CUL2: variants seen among roughly 807,000 people sequenced by gnomAD.
The protein encoded by CUL2 is cullin 2.
In CUL2, 22 loss-of-function variants were observed where a neutral mutation model predicts 110.2. That is an observed-to-expected ratio of 0.20 (90% confidence interval 0.14 to 0.28). The LOEUF (loss-of-function observed/expected upper bound fraction) is 0.28, where lower values mean the gene tolerates loss of function less well. Ranked by LOEUF, CUL2 falls within the 10% of genes least tolerant of loss-of-function variation. The pLI is 1.00. For missense variants in CUL2, 631 were observed against 905.5 expected, an observed-to-expected ratio of 0.70 and a Z score of 3.89; for synonymous variants, 279 against 293.2, an observed-to-expected ratio of 0.95 and a Z score of 0.49.
chr10:35,033,102 G>A, intron 11 of CUL2, 64 bp downstream of exon 11: 1 of 943,778 alleles, frequency 1.1e-6, no homozygotes, highest in South Asian at 2.2e-5. Flanking sequence ...TTCTGATCTT[G>A]AAACTGCCTA....
At chr10:35,074,069 GA>G (rs1376684221) in intron 1 of CUL2, 1 of 932,366 alleles carries the variant, frequency 1.1e-6, no homozygotes, top group East Asian at 2.6e-5. Context: ...CATGCTTGGT[GA>G]ATACTTACTC....
At chr10:35,087,732 T>C (rs1021504135) in intron 1 of CUL2, among the ~76,000 whole-genome samples, 2 of 152,148 alleles carry the variant, frequency 1.3e-5, no homozygotes, top group African/African-American at 4.8e-5. Flanking sequence ...CCAAAATAAA[T>C]CTCAAAACGT....
chr10:35,066,854 T>A (rs1312917727), intron 2 of CUL2, among the ~76,000 whole-genome samples: 1 of 152,224 alleles, frequency 6.6e-6, no homozygotes, highest in African/African-American at 2.4e-5. Context: ...GATGGGCTAC[T>A]ACACATAATC....
intron 2 of CUL2, chr10:35,099,492 C>A (rs138623644): frequency 1.3e-5 from 2 of 152,034 alleles, no homozygotes; most frequent in African/African-American, 2.4e-5. Flanking sequence ...GATTATACAA[C>A]CAGATTTCTA....
chr10:35,111,932 T>G (rs1250013270), intron 1 of CUL2, among the ~76,000 whole-genome samples: 1 of 152,124 alleles, frequency 6.6e-6, no homozygotes, highest in Non-Finnish European at 1.5e-5. Flanking sequence ...CAGCACAAAC[T>G]CATAGCCTAC....
chr10:35,117,393 C>G (rs2087621793), intron 1 of CUL2, among the ~76,000 whole-genome samples: 2 of 152,076 alleles, frequency 1.3e-5, no homozygotes, highest in South Asian at 4.1e-4. Flanking sequence ...TGCCACCATG[C>G]CTGGCATTTT....
chr10:35,102,137 G>C (rs530655944), intron 1 of CUL2, among the ~76,000 whole-genome samples: 1 of 152,122 alleles, frequency 6.6e-6, no homozygotes, highest in Admixed American at 6.6e-5. Context: ...CTACTTGAAA[G>C]GCTGAGGCAG....
At position 35,067,711 on chromosome 10, in the gene CUL2, T is replaced by C. The variant is rs111473896; in HGVS notation, c.119+3488A>G. Among the ~76,000 whole-genome samples, 12 of 148,602 alleles carry C rather than the reference T, an allele frequency of 8.1e-5. 1 individual carries two copies. The highest frequency in any genetic ancestry group is 3.0e-4 in the African/African-American group (12 of 39,978). ...GTGAGCCAAGATCACACCACTGCAC[T>C]CCAACCTGGGCAACAGAGTGAGACC... On this transcript the variant is annotated intron_variant, in intron 2 of 20. Transcript: ENST00000374749.
At chr10:35,023,759 GA>G (rs71523353) in intron 17 of CUL2, among the ~76,000 whole-genome samples, 111 of 147,596 alleles carry the variant, frequency 7.5e-4, no homozygotes, top group East Asian at 4.0e-3. Context: ...TTTCTTAGGG[GA>G]AAAAAAAAAA....
chr10:35,114,721 T>C (rs2087570955), intron 1 of CUL2, among the ~76,000 whole-genome samples: 1 of 152,042 alleles, frequency 6.6e-6, no homozygotes, highest in African/African-American at 2.4e-5. Flanking sequence ...AAATATACAC[T>C]ATATGTTCAC....
At chr10:35,125,097 AC>A (rs2087730390) in intron 1 of CUL2, among the ~76,000 whole-genome samples, 2 of 152,246 alleles carry the variant, frequency 1.3e-5, no homozygotes, top group Non-Finnish European at 1.5e-5. Context: ...CCATTTAAAA[AC>A]CTTATGCTTC....
intron 3 of CUL2, 115 bp downstream of exon 3, chr10:35,062,845 G>C: frequency 3.2e-6 from 2 of 624,352 alleles, no homozygotes; most frequent in Non-Finnish European, 2.8e-6. Context: ...TTTAAAAAAA[G>C]CAGCAGCAGC....
At chr10:35,115,008 T>A (rs2087575634) in intron 1 of CUL2, among the ~76,000 whole-genome samples, 1 of 148,766 alleles carries the variant, frequency 6.7e-6, no homozygotes, top group Non-Finnish European at 1.5e-5. Flanking sequence ...GGTCAGAAGT[T>A]CGAGACCAGC....
Position 35,030,845 on chromosome 10 carries a change from T to G in CUL2, c.1386+455A>C, listed in dbSNP as rs115947635. ...GAGTTAGAGTCCAGCCTGGGCAACA[T>G]AGTGAGACCCTATCTCTTAAAAAAA... On this transcript the variant is annotated intron_variant, in intron 14 of 20. Coordinates refer to ENST00000374749, the MANE Select transcript of CUL2 (RefSeq NM_003591.4). Among the ~76,000 whole-genome samples, 6 of 151,868 alleles carry G rather than the reference T, an allele frequency of 4.0e-5. No individual in the cohort carries two copies. In the South Asian group the frequency reaches 8.3e-4, roughly 21 times the overall value.
intron 19 of CUL2, 78 bp downstream of exon 19, chr10:35,013,621 A>G: frequency 2.1e-6 from 2 of 932,934 alleles, no homozygotes; most frequent in East Asian, 2.8e-5. Flanking sequence ...GTTTTGCACA[A>G]TCTCAATGTA....
chr10:35,074,917 T>G (rs907791031), intron 1 of CUL2, among the ~76,000 whole-genome samples: 3 of 152,192 alleles, frequency 2.0e-5, no homozygotes, highest in Non-Finnish European at 4.4e-5. Flanking sequence ...ATTACCTGAG[T>G]GTTTCTGAGA....
Position 35,106,298 on chromosome 10 carries a change from T to C in CUL2, c.-50-5238A>G, listed in dbSNP as rs896483045. Reference sequence around the variant, plus strand: ...TAGCCTCCTATAAAAAATAAATGTGTTTTTTGTTTTTTTTTTTGTGGGTTT... The same window carrying C: ...TAGCCTCCTATAAAAAATAAATGTGCTTTTTGTTTTTTTTTTTGTGGGTTT... On this transcript the variant is annotated intron_variant, in intron 1 of 5. Coordinates refer to the CUL2 transcript ENST00000685421. 2.7e-5 allele frequency among the ~76,000 whole-genome samples: 4 copies of C among 147,434 alleles called. No individual in the cohort carries two copies. The East Asian group carries it at 7.8e-4, about 29-fold the overall frequency.
At chr10:35,012,771 A>G (rs2084936983) in intron 19 of CUL2, among the ~76,000 whole-genome samples, 1 of 152,220 alleles carries the variant, frequency 6.6e-6, no homozygotes, top group South Asian at 2.1e-4. Context: ...AGGGTCTAAC[A>G]TCTTATATTA....
chr10:35,050,929 G>C (rs1434069061), intron 5 of CUL2, among the ~76,000 whole-genome samples: 1 of 152,220 alleles, frequency 6.6e-6, no homozygotes, highest in Non-Finnish European at 1.5e-5. Flanking sequence ...TACTTGCATA[G>C]CAAAGCACAA....
Sources: allele counts gnomAD v4.1 joint callset (sites outside exome capture counted in the v4.1 genomes callset), GRCh38; gene constraint gnomAD v4.1.1; transcripts MANE v1.5; gene names NCBI Gene and HGNC (gene_info 2026-07-23, HGNC 2026-07-21).